MSRA: variants seen among roughly 807,000 people sequenced by gnomAD.
The protein encoded by MSRA is mitochondrial peptide methionine sulfoxide reductase.
Under a neutral mutation model 31.3 loss-of-function variants are expected in MSRA, and 54 were observed. The ratio of observed to expected loss-of-function variants is 1.73; its 90% CI spans 1.39 to 2.17. The LOEUF (loss-of-function observed/expected upper bound fraction) is 2.17, where lower values mean the gene tolerates loss of function less well. MSRA is among the 30% of genes most tolerant of loss of function. The probability of loss-of-function intolerance (pLI) is 0.00; values close to 1 mark genes in which losing one functional copy is unlikely to be tolerated. For missense variants in MSRA, 507 were observed against 300.9 expected (o/e 1.69, Z -5.07); for synonymous variants, 169 against 116.5 (o/e 1.45, Z -2.90).
chr8:10,375,529 CTTAT>C (rs1805709976), intron 5 of MSRA, among the ~76,000 whole-genome samples: 1 of 152,194 alleles, frequency 6.6e-6, no homozygotes, highest in Admixed American at 6.5e-5. Context: ...CTGGCTGCAC[CTTAT>C]CAACAGCTGA....
chr8:10,380,322 A>T (rs1441096879), intron 5 of MSRA, among the ~76,000 whole-genome samples: 1 of 152,196 alleles, frequency 6.6e-6, no homozygotes, highest in Non-Finnish European at 1.5e-5. Context: ...AAGCTCTGCT[A>T]TGTTAGGAGG....
intron 1 of MSRA, among the ~76,000 whole-genome samples, chr8:10,173,376 C>T (rs1805764368): frequency 6.6e-6 from 1 of 152,182 alleles, no homozygotes; most frequent in Admixed American, 6.5e-5. Flanking sequence ...GGGTGAAGAC[C>T]AGACAAATCG....
At chr8:10,297,031 C>T (rs924507845) in intron 3 of MSRA, among the ~76,000 whole-genome samples, 1 of 152,176 alleles carries the variant, frequency 6.6e-6, no homozygotes, top group South Asian at 2.1e-4. Flanking sequence ...GACATTTTCT[C>T]CACGGATAGG....
intron 1 of MSRA, among the ~76,000 whole-genome samples, chr8:10,140,730 A>C (rs933434045): frequency 6.6e-6 from 1 of 152,236 alleles, no homozygotes; most frequent in Non-Finnish European, 1.5e-5. Flanking sequence ...TCAACTGACT[A>C]AAAAGAAGCT....
At chr8:10,190,192 T>A (rs1807390246) in intron 1 of MSRA, among the ~76,000 whole-genome samples, 1 of 152,104 alleles carries the variant, frequency 6.6e-6, no homozygotes, top group Admixed American at 6.5e-5. Context: ...CTCTTGCCAT[T>A]TCTTTTGTGG....
intron 5 of MSRA, among the ~76,000 whole-genome samples, chr8:10,331,076 CA>C (rs1195053329): frequency 2.0e-5 from 3 of 152,192 alleles, no homozygotes; most frequent in Non-Finnish European, 4.4e-5. Flanking sequence ...CATGTGAACA[CA>C]AATAGAACTG....
chr8:10,234,213 ATTAG>A (rs1354666779), intron 2 of MSRA, among the ~76,000 whole-genome samples: 10 of 152,240 alleles, frequency 6.6e-5, no homozygotes, highest in African/African-American at 2.4e-4. Context: ...AGAAACAGTA[ATTAG>A]TTAAACAATG....
chr8:10,337,001 G>A (rs1239537535), intron 5 of MSRA: 1 of 152,244 alleles, frequency 6.6e-6, no homozygotes, highest in Non-Finnish European at 1.5e-5. Flanking sequence ...GTGTAGCCCA[G>A]AAAACAATGG....
intron 1 of MSRA, among the ~76,000 whole-genome samples, chr8:10,157,244 G>T (rs997486047): frequency 6.6e-6 from 1 of 152,006 alleles, no homozygotes; most frequent in African/African-American, 2.4e-5. Flanking sequence ...ACACTCCCTT[G>T]ATGTATGGTA....
intron 3 of MSRA, among the ~76,000 whole-genome samples, chr8:10,292,057 A>G (rs10903323): frequency 0.16 from 24,765 of 152,166 alleles, 3,110 homozygotes; most frequent in East Asian, 0.61. Context: ...CCCATACAGT[A>G]AAGTATTCTA....
At chr8:10,134,903 G>A (rs1294274515) in intron 1 of MSRA, among the ~76,000 whole-genome samples, 1 of 152,214 alleles carries the variant, frequency 6.6e-6, no homozygotes, top group African/African-American at 2.4e-5. Context: ...AAGAGCTCTT[G>A]CCCCGGAGTG....
intron 3 of MSRA, among the ~76,000 whole-genome samples, chr8:10,293,860 G>C (rs940878943): frequency 6.6e-6 from 1 of 152,160 alleles, no homozygotes; most frequent in African/African-American, 2.4e-5. Flanking sequence ...TGGCTACTCA[G>C]GGATCTGTGG....
At chr8:10,279,582 C>G (rs928028989) in intron 3 of MSRA, among the ~76,000 whole-genome samples, 1 of 152,116 alleles carries the variant, frequency 6.6e-6, no homozygotes, top group African/African-American at 2.4e-5. Flanking sequence ...ACTTTTTTCC[C>G]CATATGCATC....
intron 5 of MSRA, among the ~76,000 whole-genome samples, chr8:10,417,025 C>A (rs958938305): frequency 5.3e-5 from 8 of 152,218 alleles, no homozygotes; most frequent in Non-Finnish European, 1.0e-4. Flanking sequence ...GTGTGACAAA[C>A]CTGCAGAGTA....
chr8:10,093,929 AT>A (rs1239127458), intron 1 of MSRA, among the ~76,000 whole-genome samples: 1 of 152,206 alleles, frequency 6.6e-6, no homozygotes, highest in Non-Finnish European at 1.5e-5. Context: ...TGACTATGTT[AT>A]CCCACTGCTT....
intron 1 of MSRA, among the ~76,000 whole-genome samples, chr8:10,069,474 G>A (rs544950505): frequency 2.5e-4 from 38 of 152,330 alleles, no homozygotes; most frequent in Non-Finnish European, 4.4e-4. Flanking sequence ...ATAAAGAAAC[G>A]TATTTTCTCA....
At chr8:10,283,017 A>T (rs1021959020) in intron 3 of MSRA, among the ~76,000 whole-genome samples, 5 of 152,084 alleles carry the variant, frequency 3.3e-5, no homozygotes, top group African/African-American at 1.2e-4. Context: ...AAGAGATGAA[A>T]ATTCCATTCT....
intron 3 of MSRA, among the ~76,000 whole-genome samples, chr8:10,287,440 C>T (rs1381650844): frequency 1.3e-5 from 2 of 152,184 alleles, no homozygotes; most frequent in Non-Finnish European, 2.9e-5. Context: ...TTACACCAAT[C>T]TAAGGTATCA....
chr8:10,197,231 A>G (rs188581284), intron 1 of MSRA, among the ~76,000 whole-genome samples: 2 of 152,360 alleles, frequency 1.3e-5, no homozygotes, highest in East Asian at 3.9e-4. Context: ...GAAAATTTCC[A>G]TCAATTAATG....
Sources: allele counts gnomAD v4.1 joint callset (sites outside exome capture counted in the v4.1 genomes callset), GRCh38; gene constraint gnomAD v4.1.1; transcripts MANE v1.5; gene names NCBI Gene and HGNC (gene_info 2026-07-23, HGNC 2026-07-21).